BTF3: variants seen among roughly 807,000 people sequenced by gnomAD.
BTF3 encodes the protein transcription factor BTF3.
Under a neutral mutation model 23.9 loss-of-function variants are expected in BTF3, and 12 were observed. That is an observed-to-expected ratio of 0.50 (90% CI 0.32 to 0.81). The LOEUF (loss-of-function observed/expected upper bound fraction) is 0.81. BTF3 is among the 40% of genes least tolerant of loss of function. The pLI, the probability that BTF3 is intolerant of heterozygous loss-of-function variation, is 0.03. For synonymous variants in BTF3, 96 were observed against 94.8 expected (o/e 1.01, Z -0.07); for missense variants, 215 against 255.9 (o/e 0.84, Z 1.09).
In BTF3 at chr5:73,498,489, G is replaced by T; in HGVS notation, c.-179G>T. The T allele has an allele frequency of 3.6e-6, 3 of 834,612 alleles. No homozygotes were observed. The highest frequency in any genetic ancestry group is 3.3e-6 in the Non-Finnish European group (2 of 597,560). The allele number at this position is 834,612 out of a possible 1,614,324, so 51.7% of individuals were successfully genotyped here. ...CCCCGCGTGTGTGCGCCTAATCTCAGGTGGTCCACCCGAGACCCCTTGAGC... is the reference window on the plus strand; with the variant it reads ...CCCCGCGTGTGTGCGCCTAATCTCATGTGGTCCACCCGAGACCCCTTGAGC... On this transcript the variant is annotated 5_prime_UTR_variant, in exon 1 of 6. It adds an upstream start codon to the 5' untranslated region. Transcript: ENST00000380591.
In BTF3 at chr5:73,498,734, C is replaced by T. The variant is rs757317946; in HGVS notation, c.67C>T (p.Pro23Ser). The T allele has an allele frequency of 3.2e-5, 47 of 1,490,056 alleles. No homozygotes were observed. The highest frequency in any genetic ancestry group is 5.1e-5 in the South Asian group (4 of 78,768). The allele number at this position is 1,490,056 out of a possible 1,614,324, so 92.3% of individuals were successfully genotyped here. The change falls in exon 1 of 6, where the codon CCT becomes TCT. Residue 23 changes from proline (P) to serine (S), a missense_variant. Physicochemically the swap from Pro to Ser is moderately conservative, Grantham distance 74. Transcript: ENST00000380591. ...RGRGRARGGC[P>S]GGEATLSQPP... ...GCGAGGTCGAGCCAGGGGCGGCTGC[C>T]CTGGGGGCGAGGCGACGCTGTCTCA...
In BTF3 at chr5:73,498,509, T is replaced by G; in HGVS notation, c.-159T>G. 1 of 1,137,468 alleles carries G rather than the reference T, an allele frequency of 8.8e-7. No homozygotes were observed. Among genetic ancestry groups the G allele is most frequent in the Non-Finnish European group, 1.2e-6 (1 of 861,732 alleles). The allele number at this position is 1,137,468 out of a possible 1,614,324, so 70.5% of individuals were successfully genotyped here. On this transcript the variant is annotated 5_prime_UTR_variant, in exon 1 of 6. Transcript: ENST00000380591. ...TCTCAGGTGGTCCACCCGAGACCCC[T>G]TGAGCACCAACCCTAGTCCCCCGCG...
Position 73,505,269 on chromosome 5 carries a change from A to G in BTF3, c.*31A>G, listed in dbSNP as rs779285053. 6.9e-6 allele frequency: 11 copies of G among 1,597,126 alleles called. No individual in the cohort carries two copies. The highest frequency in any genetic ancestry group is 8.5e-6 in the Non-Finnish European group (10 of 1,172,230). On this transcript the variant is annotated 3_prime_UTR_variant, in exon 6 of 6. Coordinates refer to ENST00000380591, the MANE Select transcript of BTF3 (RefSeq NM_001037637.2). ...GTCAACTTCTGAAGATAAAACCTGA[A>G]GAAGTTACTGGGAGCTGCTATTTTA...
rs1483620257 is a variant in BTF3, at chr5:73,504,503, A to G, written c.574+100A>G. The G allele has an allele frequency of 8.7e-6, 7 of 803,658 alleles. No homozygotes were observed. In the African/African-American group the frequency reaches 8.9e-5, roughly 10 times the overall value. The allele number at this position is 803,658 out of a possible 1,614,324, so 49.8% of individuals were successfully genotyped here. A position where few individuals can be genotyped will look rare whatever the true frequency, so the allele number is the denominator to read the frequency against. Reference sequence around the variant, plus strand: ...CCCAGGGAAGAGGGGTGGTAAGTTAAGATGGACATAGATCTTACTTAGAAT... The same window carrying G: ...CCCAGGGAAGAGGGGTGGTAAGTTAGGATGGACATAGATCTTACTTAGAAT... On this transcript the variant is annotated intron_variant, in intron 5 of 5. Coordinates refer to ENST00000380591, the MANE Select transcript of BTF3 (RefSeq NM_001037637.2).
At chr5:73,502,351 A>G (rs1004961895) in intron 2 of BTF3, 137 bp from the exon 3 acceptor site, 2 of 539,084 alleles carry the variant, frequency 3.7e-6, no homozygotes, top group Non-Finnish European at 6.3e-6. Flanking sequence ...CTGCCTGCTC[A>G]CTGCATAAGT....
At chr5:73,498,873 G>A in intron 1 of BTF3, 74 bp downstream of exon 1, 2 of 1,486,202 alleles carry the variant, frequency 1.3e-6, no homozygotes, top group Non-Finnish European at 8.9e-7. Context: ...AGGGCCAGGG[G>A]TGGGGGGTGC....
intron 1 of BTF3, 126 bp from the exon 2 acceptor site, chr5:73,499,008 G>T: frequency 1.6e-6 from 2 of 1,270,514 alleles, no homozygotes; most frequent in South Asian, 3.1e-5. Context: ...TTGCGGGGTG[G>T]ATTTGGGATC....
intron 5 of BTF3, 85 bp downstream of exon 5, chr5:73,504,488 A>T: frequency 1.9e-6 from 2 of 1,054,138 alleles, no homozygotes; most frequent in Non-Finnish European, 2.8e-6. Flanking sequence ...CCCAGGGAAG[A>T]GGGGTGGTAA....
chr5:73,502,898 TTTTTC>T lies in BTF3; in HGVS notation c.316-10_316-6del. On this transcript the variant is annotated splice_polypyrimidine_tract_variant and intron_variant, in intron 3 of 5. Coordinates refer to ENST00000380591, the MANE Select transcript of BTF3 (RefSeq NM_001037637.2). ...GACTGGTCAGCATTGCTAATTTAAA[TTTTTC>T]TTTTCTTAATAGGTGAATATGTTTA... is the stretch of plus-strand genomic sequence containing the variant. The T allele has an allele frequency of 1.2e-6, 2 of 1,608,128 alleles. No individual in the cohort carries two copies. The highest frequency in any genetic ancestry group is 1.7e-6 in the Non-Finnish European group (2 of 1,177,192).
In BTF3 at chr5:73,501,753, G is replaced by A. The variant is rs1003815672; in HGVS notation, c.202-735G>A. On this transcript the variant is annotated intron_variant, in intron 2 of 5. Transcript: ENST00000380591. ...TTGTGTAGGGCTCTTGTAAGTTAAG[G>A]TAAGGGCTTCAGACTTTACTATCGA... Among the ~76,000 whole-genome samples the A allele has an allele frequency of 3.3e-5, 5 of 152,126 alleles. No homozygotes were observed. The South Asian group carries it at 1.0e-3, about 32-fold the overall frequency.
intron 2 of BTF3, among the ~76,000 whole-genome samples, chr5:73,501,987 G>C (rs1027833645): frequency 2.6e-5 from 4 of 152,012 alleles, no homozygotes; most frequent in South Asian, 2.1e-4. Flanking sequence ...GGCCAACATG[G>C]TGAAACCCCA....
intron 2 of BTF3, among the ~76,000 whole-genome samples, chr5:73,500,827 C>T (rs1417997556): frequency 6.6e-6 from 1 of 151,972 alleles, no homozygotes; most frequent in Non-Finnish European, 1.5e-5. Context: ...TTAGAAATTC[C>T]TTTGAGTTTC....
chr5:73,504,647 G>GTA (rs1175038332), intron 5 of BTF3: 56 of 314,680 alleles, frequency 1.8e-4, no homozygotes, highest in South Asian at 2.5e-4. Flanking sequence ...GAATAAATAA[G>GTA]TATATATATA....
chr5:73,502,634 A>G, intron 3 of BTF3, 33 bp downstream of exon 3: 1 of 1,518,628 alleles, frequency 6.6e-7, no homozygotes, highest in Non-Finnish European at 8.9e-7. Flanking sequence ...TTAAAAAACA[A>G]GATTTGGCTG....
At position 73,504,356 on chromosome 5, in the gene BTF3, GA is replaced by G; in HGVS notation, c.531del (p.Ala178HisfsTer51). 6.4e-7 allele frequency: 1 copy of G among 1,567,200 alleles called. No homozygotes were observed. The highest frequency in any genetic ancestry group is 1.2e-5 in the South Asian group (1 of 86,140). The stretch of plus-strand genomic sequence containing the variant: ...CATTTTCCTTTCATAGCTGTGGATG[GA>G]AAAGCACCACTTGCTACTGGAGAGG... ...AEALPKQSVDGKAPLATGEDD... is the reference protein window; with the variant it reads ...AEALPKQSVDXKAPLATGEDD... On this transcript the variant is annotated frameshift_variant, in exon 5 of 6. Coordinates refer to ENST00000380591, the MANE Select transcript of BTF3 (RefSeq NM_001037637.2). LOFTEE classifies it high-confidence loss of function.
intron 2 of BTF3, among the ~76,000 whole-genome samples, chr5:73,502,158 CAAA>C (rs148360172): frequency 0.24 from 18,529 of 76,518 alleles, 1,669 homozygotes; most frequent in East Asian, 0.53. Flanking sequence ...GACCCTGTCT[CAAA>C]AAAAAAAAAA....
intron 3 of BTF3, 105 bp downstream of exon 3, chr5:73,502,706 A>T (rs1746467075): frequency 2.3e-6 from 2 of 872,282 alleles, no homozygotes; most frequent in Admixed American, 3.0e-5. Flanking sequence ...TAGGGACTTC[A>T]AAGTCCCTAA....
chr5:73,505,038 CT>C (rs59856963), intron 5 of BTF3, among the ~76,000 whole-genome samples, 153 bp from the exon 6 acceptor site: 78 of 142,048 alleles, frequency 5.5e-4, no homozygotes, highest in Middle Eastern at 3.6e-3. Flanking sequence ...ATTTTTTTCA[CT>C]TTTTTTTTTT....
rs1217790409 is a variant in BTF3 at position 73,498,679 on chromosome 5, A to G, written c.12A>G (p.Thr4=). 1.3e-6 allele frequency: 2 copies of G among 1,497,848 alleles called. No individual in the cohort carries two copies. Among genetic ancestry groups the G allele is most frequent in the East Asian group, 2.6e-5 (1 of 37,870 alleles). The allele number at this position is 1,497,848 out of a possible 1,614,324, so 92.8% of individuals were successfully genotyped here. A position where few individuals can be genotyped will look rare whatever the true frequency, so the allele number is the denominator to read the frequency against. ...AGGAGAGGAAGGCGATGCGACGGAC[A>G]GGCGCACCCGCTCAGGCTGACTCTC... MRR[T]GAPAQADSRG... The change falls in exon 1 of 6, where the codon ACA becomes ACG. Residue 4 remains threonine (T), a synonymous_variant. Transcript: ENST00000380591.
Sources: allele counts gnomAD v4.1 joint callset (sites outside exome capture counted in the v4.1 genomes callset), GRCh38; gene constraint gnomAD v4.1.1; transcripts MANE v1.5; gene names NCBI Gene and HGNC (gene_info 2026-07-23, HGNC 2026-07-21).